GATA3: variants seen among roughly 807,000 people sequenced by gnomAD.
The protein encoded by GATA3 is GATA binding protein 3.
Under a neutral mutation model 36.0 loss-of-function variants are expected in GATA3, and 6 were observed. The ratio of observed to expected loss-of-function variants is 0.17; its 90% confidence interval spans 0.09 to 0.33. The LOEUF is 0.33. Among genes scored for constraint, GATA3 ranks in the 10% least tolerant of loss-of-function variants. The pLI is 1.00. For missense variants in GATA3, 514 were observed against 610.1 expected (o/e 0.84, Z 1.66); for synonymous variants, 326 against 273.0 (o/e 1.19, Z -1.92).
At chr10:8,072,056 A>G (rs1298699542) in intron 5 of GATA3, among the ~76,000 whole-genome samples, 1 of 152,212 alleles carries the variant, frequency 6.6e-6, no homozygotes, top group Non-Finnish European at 1.5e-5. Context: ...TTGAAGAAGG[A>G]ACCTGGAGAT....
Position 8,058,507 on chromosome 10 carries a change from G to A in GATA3, c.444G>A (p.Pro148=), listed in dbSNP as rs758531534. The A allele has an allele frequency of 2.6e-5, 42 of 1,611,814 alleles. No homozygotes were observed. The highest frequency in any genetic ancestry group is 3.2e-5 in the Non-Finnish European group (38 of 1,179,702). Residue 148 remains proline, a synonymous_variant, in exon 3 of 6, where the codon CCG becomes CCA. Coordinates refer to ENST00000379328, the MANE Select transcript of GATA3 (RefSeq NM_001002295.2). ...SSSLSGGHAS[P]HLFTFPPTPP... is the part of the protein sequence containing the mutation. ...CCTTGTCGGGGGGCCACGCCAGCCC[G>A]CACCTCTTCACCTTCCCGCCCACCC... is the stretch of plus-strand genomic sequence containing the variant.
At position 8,058,445 on chromosome 10, in the gene GATA3, G is replaced by A. The variant is rs2131488893; in HGVS notation, c.382G>A (p.Gly128Arg). Residue 128 changes from glycine (G) to arginine (R), a missense_variant, in exon 3 of 6, where the codon GGG (glycine) becomes AGG (arginine). Gly to Arg is a moderately radical substitution (Grantham distance 125, BLOSUM62 -2). Coordinates refer to ENST00000379328, the MANE Select transcript of GATA3 (RefSeq NM_001002295.2). ...SKTSIHHGSP[G>R]PLSVYPPASS... ...GACGTCCATCCACCACGGCTCCCCG[G>A]GGCCCCTCTCCGTCTACCCCCCGGC... 6.2e-7 allele frequency: 1 copy of A among 1,612,792 alleles called. No homozygotes were observed. Among genetic ancestry groups the A allele is most frequent in the Non-Finnish European group, 8.5e-7 (1 of 1,179,896 alleles).
chr10:8,065,865 G>GAAAAA (rs36068913), intron 4 of GATA3, among the ~76,000 whole-genome samples: 1 of 69,806 alleles, frequency 1.4e-5, no homozygotes, highest in Non-Finnish European at 2.5e-5. Flanking sequence ...AGAAGTGTTT[G>GAAAAA]AAAAAAAAAA....
At chr10:8,069,303 C>T (rs899424380) in intron 4 of GATA3, among the ~76,000 whole-genome samples, 170 bp from the exon 5 acceptor site, 25 of 151,722 alleles carry the variant, frequency 1.6e-4, no homozygotes, top group Admixed American at 7.9e-4. Context: ...TTTTTCTTCT[C>T]GAGGCAGCTT....
rs104886016 is a variant in GATA3, at chr10:8,069,457, C to T, written c.925-16C>T. ...ATTTGTTTTGATTTCACCCTCTCCT[C>T]TCTCCCCACTCTCAGTCTGCAGCCA... is the stretch of plus-strand genomic sequence containing the variant. On this transcript the variant is annotated splice_polypyrimidine_tract_variant and intron_variant, in intron 4 of 5. Coordinates refer to ENST00000379328, the MANE Select transcript of GATA3 (RefSeq NM_001002295.2). The T allele has an allele frequency of 1.2e-6, 2 of 1,612,370 alleles. No individual in the cohort carries two copies. The highest frequency in any genetic ancestry group is 2.7e-5 in the African/African-American group (2 of 74,668).
upstream of GATA3, chr10:8,051,106 T>A (rs1004584843): frequency 4.4e-6 from 2 of 458,736 alleles, no homozygotes; most frequent in Admixed American, 2.3e-5. Flanking sequence ...TGTACCCGAC[T>A]GGGTTTCCCC....
At chr10:8,064,434 T>G (rs1224785022) in intron 4 of GATA3, among the ~76,000 whole-genome samples, 3 of 151,958 alleles carry the variant, frequency 2.0e-5, no homozygotes. Context: ...TTATCAAATC[T>G]GCAGTGTATT....
chr10:8,068,825 C>T (rs756289021), intron 4 of GATA3, among the ~76,000 whole-genome samples: 17 of 152,244 alleles, frequency 1.1e-4, no homozygotes, highest in Non-Finnish European at 2.2e-4. Context: ...TCCTACTTGG[C>T]GCTTCCTCAG....
At chr10:8,048,765 T>C (rs942555019), upstream of GATA3, among the ~76,000 whole-genome samples, 13 of 152,156 alleles carry the variant, frequency 8.5e-5, no homozygotes, top group African/African-American at 3.1e-4. Flanking sequence ...TCGCCTCACG[T>C]GTGAGTTGTT....
upstream of GATA3, among the ~76,000 whole-genome samples, chr10:8,050,009 G>T (rs1564393268): frequency 6.6e-6 from 1 of 152,182 alleles, no homozygotes; most frequent in Non-Finnish European, 1.5e-5. Flanking sequence ...GCCCGGCGTG[G>T]GCTAGAGAGG....
At chr10:8,051,086 C>G, upstream of GATA3, 1 of 527,204 alleles carries the variant, frequency 1.9e-6, no homozygotes, top group South Asian at 1.4e-5. Flanking sequence ...GCGCCATGGC[C>G]TCTGCTTTCT....
chr10:8,069,710 G>T, intron 5 of GATA3, 112 bp downstream of exon 5: 2 of 1,299,056 alleles, frequency 1.5e-6, no homozygotes, highest in Non-Finnish European at 2.2e-6. Context: ...CAGATGACAG[G>T]TTCCAAATAA....
chr10:8,062,515 C>A (rs150934114), intron 3 of GATA3, among the ~76,000 whole-genome samples: 1 of 152,072 alleles, frequency 6.6e-6, no homozygotes, highest in Non-Finnish European at 1.5e-5. Context: ...AAGTGTGAAC[C>A]CCCCTAGTTC....
chr10:8,048,199 C>T (rs1384214132), intron 1 of GATA3, among the ~76,000 whole-genome samples: 3 of 152,128 alleles, frequency 2.0e-5, no homozygotes, highest in Admixed American at 6.5e-5. Context: ...CTGAGGCCAG[C>T]GCTGGGGGTT....
intron 3 of GATA3, among the ~76,000 whole-genome samples, chr10:8,062,175 A>G (rs1832760034): frequency 6.6e-6 from 1 of 152,166 alleles, no homozygotes; most frequent in South Asian, 2.1e-4. Context: ...GGTGTGATTC[A>G]GGCCTGAGCC....
upstream of GATA3, chr10:8,052,908 GGA>G (rs1832537702): frequency 5.4e-5 from 8 of 148,088 alleles, no homozygotes; most frequent in South Asian, 1.3e-3. Context: ...GGGGGGGGGG[GGA>G]GCTTTCTTTA....
chr10:8,072,472 G>A (rs1006155904), intron 5 of GATA3, among the ~76,000 whole-genome samples: 6 of 152,170 alleles, frequency 3.9e-5, no homozygotes, highest in African/African-American at 1.4e-4. Context: ...CTGCTGTTGG[G>A]GTTAATCTGC....
chr10:8,069,104 C>T (rs983169397), intron 4 of GATA3, among the ~76,000 whole-genome samples: 1 of 152,152 alleles, frequency 6.6e-6, no homozygotes, highest in African/African-American at 2.4e-5. Flanking sequence ...AGCCCAGTTC[C>T]AAAATGAGGC....
At chr10:8,071,091 A>C (rs946189362) in intron 5 of GATA3, among the ~76,000 whole-genome samples, 1 of 152,226 alleles carries the variant, frequency 6.6e-6, no homozygotes, top group African/African-American at 2.4e-5. Context: ...TATGGATTTC[A>C]AAGAACTTTC....
Sources: gnomAD v4.1 joint callset for allele counts (sites outside exome capture counted in the v4.1 genomes callset) on GRCh38, gnomAD v4.1.1 for gene constraint, MANE v1.5 for transcripts, NCBI Gene and HGNC (gene_info 2026-07-23, HGNC 2026-07-21) for gene names.